The following SMG6 variants were observed in gnomAD, a reference collection of about 807,000 sequenced individuals.
The protein encoded by SMG6 is telomerase-binding protein EST1A.
A neutral mutation model predicts 142.2 loss-of-function variants in SMG6; 66 were observed. The observed-to-expected ratio is 0.46, with a 90% confidence interval of 0.38 to 0.57. The LOEUF is 0.57. SMG6 is among the 20% of genes least tolerant of loss of function. SMG6 has a pLI of 0.00. For synonymous variants in SMG6, 779 were observed against 702.4 expected (o/e 1.11, Z -1.72); for missense variants, 1,793 against 1,832.0 (o/e 0.98, Z 0.39).
chr17:2,290,917 T>C (rs2075016676), intron 6 of SMG6, among the ~76,000 whole-genome samples: 1 of 152,224 alleles, frequency 6.6e-6, no homozygotes, highest in East Asian at 1.9e-4. Flanking sequence ...ATCCCATTTA[T>C]GTGAGACATC....
intron 8 of SMG6, among the ~76,000 whole-genome samples, chr17:2,249,378 C>T (rs2073998393): frequency 6.6e-6 from 1 of 152,236 alleles, no homozygotes; most frequent in African/African-American, 2.4e-5. Context: ...TCACTGCAGC[C>T]TCTGACTCCT....
rs147459312 is a variant in SMG6 at position 2,066,310 on chromosome 17, ATG to A, written c.3836-633_3836-632del. On this transcript the variant is annotated intron_variant, in intron 16 of 18. Transcript: ENST00000263073. ...TGTGTCTGTGTGCGTGTGTACATGTATGTGTGTGTGTACATGTGTGTATGTGT... is the reference window on the plus strand; with the variant it reads ...TGTGTCTGTGTGCGTGTGTACATGTATGTGTGTGTACATGTGTGTATGTGT... Among the ~76,000 whole-genome samples the A allele has an allele frequency of 7.8e-3, 1,146 of 147,864 alleles. 11 individuals carry two copies. The highest frequency in any genetic ancestry group is 0.025 in the East Asian group (127 of 5,088).
At chr17:2,224,554 T>C (rs1055080992) in intron 10 of SMG6, among the ~76,000 whole-genome samples, 9 of 152,090 alleles carry the variant, frequency 5.9e-5, no homozygotes, top group African/African-American at 1.9e-4. Context: ...ATCTGGAATG[T>C]AGCACAAAAA....
rs1378265764 is a variant in SMG6 at position 2,236,709 on chromosome 17, A to T, written c.2724-72T>A. The stretch of plus-strand genomic sequence containing the variant: ...CTCTCTCTCACTCTGTCTCACACAC[A>T]CACACACACACACACACACACACAC... On this transcript the variant is annotated intron_variant, in intron 9 of 18. Coordinates refer to ENST00000263073, the MANE Select transcript of SMG6 (RefSeq NM_017575.5). 1,287 of 149,518 alleles carry T rather than the reference A, an allele frequency of 8.6e-3. 11 individuals carry two copies. The highest frequency in any genetic ancestry group is 0.046 in the African/African-American group (929 of 20,000). 9.3% of individuals were successfully genotyped at this position (149,518 alleles called of 1,614,324 possible).
At chr17:2,281,118 G>A (rs994430912) in intron 8 of SMG6, among the ~76,000 whole-genome samples, 10 of 152,182 alleles carry the variant, frequency 6.6e-5, no homozygotes, top group African/African-American at 2.4e-4. Context: ...CAGTGCAGTG[G>A]TGCAGCCTTG....
chr17:2,265,217 C>T (rs1043155495), intron 8 of SMG6, among the ~76,000 whole-genome samples: 5 of 152,126 alleles, frequency 3.3e-5, no homozygotes, highest in African/African-American at 9.7e-5. Flanking sequence ...CAAGGTCAGA[C>T]CTGCATAATG....
chr17:2,266,298 C>A (rs767140074), intron 8 of SMG6: 3 of 471,106 alleles, frequency 6.4e-6, no homozygotes, highest in Non-Finnish European at 8.3e-6. Context: ...TGCTGGTAAT[C>A]CGGCTTCCTG....
chr17:2,286,307 CAAAAAAAAAA>C (rs74656326), intron 6 of SMG6, among the ~76,000 whole-genome samples: 55 of 89,326 alleles, frequency 6.2e-4, no homozygotes, highest in African/African-American at 2.2e-3. Flanking sequence ...CTCAAATGGC[CAAAAAAAAAA>C]AAAAAAAACG....
At chr17:2,295,222 A>G (rs1405457800) in intron 4 of SMG6, among the ~76,000 whole-genome samples, 1 of 152,160 alleles carries the variant, frequency 6.6e-6, no homozygotes, top group African/African-American at 2.4e-5. Context: ...TAGTAGAAGG[A>G]GCAAAAAGGC....
Position 2,299,298 on chromosome 17 carries a change from A to T in SMG6, c.1455T>A (p.Pro485=). 1 of 1,614,088 alleles carries T rather than the reference A, an allele frequency of 6.2e-7. No individual in the cohort carries two copies. The highest frequency in any genetic ancestry group is 8.5e-7 in the Non-Finnish European group (1 of 1,180,028). The part of the protein sequence containing the change: ...HFLDTDDEVS[P]TSWGDSRQAQ... Reference sequence around the variant, plus strand: ...CCTGGCGTGAGTCACCCCAAGATGTAGGGCTGACTTCATCATCAGTGTCCA... The same window carrying T: ...CCTGGCGTGAGTCACCCCAAGATGTTGGGCTGACTTCATCATCAGTGTCCA... Residue 485 remains proline (P), a synonymous_variant, in exon 2 of 19, where the codon CCT becomes CCA. Transcript: ENST00000263073. This position sits in a 1 kb window ranked among gnomAD's most constrained non-coding sequence, Gnocchi z 4.3.
chr17:2,194,720 AAAAG>A (rs1322951304), intron 10 of SMG6, among the ~76,000 whole-genome samples: 1 of 151,584 alleles, frequency 6.6e-6, no homozygotes, highest in Non-Finnish European at 1.5e-5. Context: ...AACAAAAAAA[AAAAG>A]AAAGAAACAT....
At chr17:2,188,886 T>C (rs1022501393) in intron 10 of SMG6, among the ~76,000 whole-genome samples, 5 of 152,162 alleles carry the variant, frequency 3.3e-5, no homozygotes, top group African/African-American at 1.2e-4. Flanking sequence ...AGTGTATAAC[T>C]AACAGGAGCA....
chr17:2,176,172 T>C (rs978665980), intron 12 of SMG6, among the ~76,000 whole-genome samples: 1 of 152,050 alleles, frequency 6.6e-6, no homozygotes, highest in African/African-American at 2.4e-5. Flanking sequence ...GGCTGGGAGG[T>C]CAGTTCTGTG....
intron 15 of SMG6, among the ~76,000 whole-genome samples, chr17:2,078,632 A>G (rs902415684): frequency 3.9e-5 from 6 of 152,094 alleles, no homozygotes; most frequent in Non-Finnish European, 8.8e-5. Flanking sequence ...TCGGCTGCCC[A>G]AAGTGCTGGG....
intron 13 of SMG6, among the ~76,000 whole-genome samples, chr17:2,090,175 T>A (rs1164977273): frequency 3.2e-5 from 3 of 93,824 alleles, no homozygotes; most frequent in African/African-American, 1.3e-4. Flanking sequence ...AAGGCGAGAC[T>A]CTGTCTCAAA....
chr17:2,144,075 T>G (rs1337708659), intron 13 of SMG6, among the ~76,000 whole-genome samples: 1 of 75,280 alleles, frequency 1.3e-5, no homozygotes, highest in African/African-American at 5.7e-5. Flanking sequence ...TTTTTTTTTT[T>G]GAGATGCAGT....
chr17:2,208,180 CCA>C (rs1262054363), intron 10 of SMG6, among the ~76,000 whole-genome samples: 2 of 152,064 alleles, frequency 1.3e-5, no homozygotes, highest in East Asian at 3.8e-4. Flanking sequence ...TGGTGAATGA[CCA>C]CAGTCAAGAG....
At chr17:2,278,690 T>G (rs755475053) in intron 8 of SMG6, among the ~76,000 whole-genome samples, 3 of 152,192 alleles carry the variant, frequency 2.0e-5, no homozygotes, top group Non-Finnish European at 4.4e-5. Flanking sequence ...AAATGACTAA[T>G]GTTTGACGTG....
At chr17:2,127,138 CA>C (rs941523968) in intron 13 of SMG6, among the ~76,000 whole-genome samples, 1,321 of 51,284 alleles carry the variant, frequency 0.026, 8 homozygotes, top group African/African-American at 0.076. Context: ...GACCTTGTCT[CA>C]AAAAAAAAAA....
Sources: gnomAD v4.1 joint callset for allele counts (sites outside exome capture counted in the v4.1 genomes callset) on GRCh38, gnomAD v4.1.1 for gene constraint, Gnocchi (gnomAD v3.1) non-coding constraint, MANE v1.5 for transcripts, NCBI Gene and HGNC (gene_info 2026-07-23, HGNC 2026-07-21) for gene names.